PDK3: variants seen among roughly 807,000 people sequenced by gnomAD.
PDK3 encodes the protein pyruvate dehydrogenase kinase 3, also known as pyruvate dehydrogenase kinase, isozyme 3.
A neutral mutation model predicts 32.0 loss-of-function variants in PDK3; 12 were observed. The ratio of observed to expected loss-of-function variants is 0.37; its 90% CI spans 0.24 to 0.61. PDK3 has a LOEUF of 0.61. PDK3 is among the 20% of genes least tolerant of loss of function. The pLI, the probability that PDK3 is intolerant of heterozygous loss-of-function variation, is 0.65. For missense variants in PDK3, 188 were observed against 316.9 expected (o/e 0.59, Z 3.09); for synonymous variants, 122 against 116.3 (o/e 1.05, Z -0.31).
intron 6 of PDK3, among the ~76,000 whole-genome samples, chrX:24,522,614 A>T (rs1000718375): frequency 9.0e-6 from 1 of 111,481 alleles, no homozygotes; most frequent in Non-Finnish European, 1.9e-5. Flanking sequence ...CATTAAAATG[A>T]CAATAAAGGA....
intron 5 of PDK3, among the ~76,000 whole-genome samples, chrX:24,507,581 A>C (rs1368596348): frequency 8.9e-6 from 1 of 112,258 alleles, no homozygotes; most frequent in Non-Finnish European, 1.9e-5. Context: ...AGACAGGTTT[A>C]CTAGCAGCAG....
At chrX:24,518,729 A>G (rs1398760959) in intron 5 of PDK3, among the ~76,000 whole-genome samples, 1 of 111,686 alleles carries the variant, frequency 9.0e-6, no homozygotes, top group South Asian at 3.7e-4. Context: ...TGGTAATTCT[A>G]TTAAAGCCAC....
downstream of PDK3, chrX:24,539,158 T>C (rs1449163994): frequency 3.6e-6 from 4 of 1,120,614 alleles, no homozygotes. Flanking sequence ...CTAATAGAAC[T>C]TTCTAGAGGA....
At chrX:24,488,780 G>A (rs931983041) in intron 1 of PDK3, among the ~76,000 whole-genome samples, 4 of 112,382 alleles carry the variant, frequency 3.6e-5, no homozygotes, top group Non-Finnish European at 7.5e-5. Context: ...GCACATGAGT[G>A]TATTTGAGTC....
rs750275191 is a variant in PDK3, at chrX:24,465,358, G to T, written c.-98G>T. The T allele has an allele frequency of 1.8e-6, 1 of 547,777 alleles. No individual in the cohort carries two copies. 45.1% of individuals were successfully genotyped at this position (547,777 alleles called of 1,213,427 possible). A position where few individuals can be genotyped will look rare whatever the true frequency, so the allele number is the denominator to read the frequency against. On this transcript the variant is annotated 5_prime_UTR_variant, in exon 1 of 11. Coordinates refer to ENST00000379162, the MANE Select transcript of PDK3 (RefSeq NM_005391.5). ...CCGAGGCCGAGATCGAGGCCGGGGT[G>T]CGCGCTTCGCAAACGTGCCCTATCC...
intron 1 of PDK3, among the ~76,000 whole-genome samples, chrX:24,490,426 CTGACCTTTGT>C (rs202015302): frequency 0.38 from 41,636 of 110,599 alleles, 6,011 homozygotes; most frequent in African/African-American, 0.51. Flanking sequence ...GATTCAAACC[CTGACCTTTGT>C]CATCGAACTT....
chrX:24,547,082 C>G (rs7886890), exon 12 of PDK3: 2 of 112,355 alleles, frequency 1.8e-5, no homozygotes, highest in Non-Finnish European at 3.8e-5. Context: ...GCAGGGGCAA[C>G]GTGCCTCCCA....
Position 24,518,955 on chromosome X carries a change from G to A in PDK3, c.618G>A (p.Met206Ile). The change falls in exon 6 of 11, where the codon ATG becomes ATA. Residue 206 changes from methionine (M) to isoleucine (I), a missense_variant. By Grantham distance (10) the Met-to-Ile change is conservative. Coordinates refer to ENST00000379162, the MANE Select transcript of PDK3 (RefSeq NM_005391.5). The part of the protein sequence containing the change: ...VVKDAYETAK[M>I]LCEQYYLVAP... ...CAGATGCATATGAAACAGCCAAGAT[G>A]CTGTGTGAACAGTATTACCTGGTAG... 1 of 1,197,221 alleles carries A rather than the reference G, an allele frequency of 8.4e-7. No individual in the cohort carries two copies. Among genetic ancestry groups the A allele is most frequent in the Non-Finnish European group, 1.1e-6 (1 of 887,373 alleles).
At chrX:24,484,937 C>T (rs1216050944) in intron 1 of PDK3, among the ~76,000 whole-genome samples, 2 of 110,931 alleles carry the variant, frequency 1.8e-5, no homozygotes, top group East Asian at 5.6e-4. Context: ...CCTCTTTACC[C>T]CTAGATACTT....
At chrX:24,496,769 A>ATTT (rs1569221835) in intron 2 of PDK3, among the ~76,000 whole-genome samples, 11 of 73,003 alleles carry the variant, frequency 1.5e-4, no homozygotes, top group Non-Finnish European at 1.9e-4. Flanking sequence ...CCTCAAAATA[A>ATTT]TCTTTTTTTT....
chrX:24,513,444 T>C, intron 5 of PDK3: 1 of 118,741 alleles, frequency 8.4e-6, no homozygotes, highest in Non-Finnish European at 1.8e-5. Flanking sequence ...GTGCAGAAGG[T>C]GAATATAGCC....
At chrX:24,468,054 C>T (rs754739369) in intron 1 of PDK3, among the ~76,000 whole-genome samples, 6 of 111,650 alleles carry the variant, frequency 5.4e-5, no homozygotes, top group Non-Finnish European at 7.5e-5. Flanking sequence ...ACAAATGGGA[C>T]GTACATTTTG....
At chrX:24,543,209 T>A (rs1296672558) in exon 12 of PDK3, among the ~76,000 whole-genome samples, 1 of 112,078 alleles carries the variant, frequency 8.9e-6, no homozygotes. Flanking sequence ...TTTGTATCAG[T>A]TTAGTCTGTT....
chrX:24,505,897 C>A (rs762810462), intron 5 of PDK3, among the ~76,000 whole-genome samples: 4 of 111,547 alleles, frequency 3.6e-5, no homozygotes, highest in Non-Finnish European at 5.6e-5. Flanking sequence ...TGGTTGTGAG[C>A]GATCCACCAG....
chrX:24,539,059 C>A, downstream of PDK3: 1 of 633,234 alleles, frequency 1.6e-6, no homozygotes, highest in Non-Finnish European at 2.5e-6. Context: ...ATGAAATACT[C>A]TAAAAGTCCT....
intron 6 of PDK3, among the ~76,000 whole-genome samples, chrX:24,523,747 G>C (rs1446271019): frequency 1.8e-5 from 2 of 111,498 alleles, no homozygotes; most frequent in Non-Finnish European, 3.8e-5. Flanking sequence ...GCATTTGGGG[G>C]CCTCTCTGCT....
chrX:24,490,189 G>A (rs986549142), intron 1 of PDK3, among the ~76,000 whole-genome samples: 2 of 111,689 alleles, frequency 1.8e-5, no homozygotes, highest in African/African-American at 6.5e-5. Context: ...CATTGCCCAG[G>A]CTGGTCTCGA....
At chrX:24,500,829 C>T (rs899365979) in intron 3 of PDK3, among the ~76,000 whole-genome samples, 4 of 111,366 alleles carry the variant, frequency 3.6e-5, no homozygotes, top group African/African-American at 9.8e-5. Flanking sequence ...TAGAAGAGCC[C>T]GGAAGATTGG....
At chrX:24,539,337 A>C (rs1036026483), downstream of PDK3, 4 of 411,774 alleles carry the variant, frequency 9.7e-6, no homozygotes, top group African/African-American at 7.6e-5. Flanking sequence ...TCCTGTAGCT[A>C]CTCCAGATCT....
Sources: allele counts gnomAD v4.1 joint callset (sites outside exome capture counted in the v4.1 genomes callset), GRCh38; gene constraint gnomAD v4.1.1; transcripts MANE v1.5; gene names NCBI Gene and HGNC (gene_info 2026-07-23, HGNC 2026-07-21).